The following TMEM230 variants were observed in gnomAD, a reference collection of about 807,000 sequenced individuals.
TMEM230 encodes transmembrane protein 230, also known as UPF0414 transmembrane protein C20orf30.
Under a neutral mutation model 15.8 loss-of-function variants are expected in TMEM230, and 10 were observed. The ratio of observed to expected loss-of-function variants is 0.63; its 90% CI spans 0.39 to 1.07. The LOEUF is 1.07. Among genes scored for constraint, TMEM230 ranks in the 50% least tolerant of loss-of-function variants. The probability of loss-of-function intolerance (pLI) is 0.01; values close to 1 mark genes in which losing one functional copy is unlikely to be tolerated. For missense variants in TMEM230, 165 were observed against 193.3 expected, an observed-to-expected ratio of 0.85 and a Z score of 0.87; for synonymous variants, 67 against 76.9, an observed-to-expected ratio of 0.87 and a Z score of 0.68.
chr20:5,072,070 A>C (rs2088845838), intron 3 of TMEM230, among the ~76,000 whole-genome samples: 1 of 147,374 alleles, frequency 6.8e-6, no homozygotes, highest in South Asian at 2.2e-4. Flanking sequence ...TTTTTGTTGA[A>C]GATAGGGTCT....
intron 3 of TMEM230, among the ~76,000 whole-genome samples, chr20:5,092,273 G>A (rs2089531096): frequency 6.6e-6 from 1 of 152,184 alleles, no homozygotes; most frequent in South Asian, 2.1e-4. Flanking sequence ...TCGATGTTCA[G>A]AATGAGGAGT....
chr20:5,086,578 T>A (rs960408872), intron 3 of TMEM230, among the ~76,000 whole-genome samples: 7 of 151,018 alleles, frequency 4.6e-5, no homozygotes, highest in African/African-American at 1.7e-4. Flanking sequence ...GAAAAAAAAG[T>A]ATCTGTATAT....
At chr20:5,105,217 C>T (rs540592388) in intron 4 of TMEM230, among the ~76,000 whole-genome samples, 159 of 152,208 alleles carry the variant, frequency 1.0e-3, no homozygotes, top group Non-Finnish European at 8.8e-4. Flanking sequence ...ACCCACGAGC[C>T]GGAGTTTGCA....
intron 3 of TMEM230, among the ~76,000 whole-genome samples, chr20:5,092,508 G>A (rs1243177652): frequency 6.6e-6 from 1 of 152,000 alleles, no homozygotes; most frequent in Non-Finnish European, 1.5e-5. Flanking sequence ...ACCTGAGGTC[G>A]GGAGTTCATG....
At chr20:5,077,660 T>A (rs1317710408) in intron 3 of TMEM230, among the ~76,000 whole-genome samples, 1 of 151,800 alleles carries the variant, frequency 6.6e-6, no homozygotes, top group Non-Finnish European at 1.5e-5. Context: ...ATGGTGAAAC[T>A]CCATCTCTAC....
At chr20:5,093,499 C>T (rs1216467290) in intron 3 of TMEM230, among the ~76,000 whole-genome samples, 1 of 151,684 alleles carries the variant, frequency 6.6e-6, no homozygotes, top group Non-Finnish European at 1.5e-5. Context: ...CCTCAGCCTC[C>T]CAACGTGCTG....
In TMEM230 at chr20:5,111,607, TAA is replaced by T. The variant is rs758119588; in HGVS notation, c.69-4_69-3del. The T allele has an allele frequency of 4.1e-3, 240 of 58,798 alleles. No individual in the cohort carries two copies. The highest frequency in any genetic ancestry group is 0.014 in the African/African-American group (216 of 15,308). The allele number at this position is 58,798 out of a possible 1,614,324, so 3.6% of individuals were successfully genotyped here. A position where few individuals can be genotyped will look rare whatever the true frequency, so the allele number is the denominator to read the frequency against. ...CTGGGCGACAGAACTAGACTCCATC[TAA>T]AAAAAAAAAAAAAAAAAAAAAAAAA... On this transcript the variant is annotated splice_region_variant and splice_polypyrimidine_tract_variant and intron_variant, in intron 1 of 4. Coordinates refer to ENST00000342308, the MANE Select transcript of TMEM230 (RefSeq NM_001009923.2).
chr20:5,074,820 A>T (rs1369682324), intron 3 of TMEM230, among the ~76,000 whole-genome samples: 2 of 151,926 alleles, frequency 1.3e-5, no homozygotes, highest in East Asian at 3.9e-4. Context: ...TTTTAAAAAA[A>T]ATTTTATTTT....
intron 4 of TMEM230, 58 bp from the exon 4 acceptor site, chr20:5,100,989 A>G: frequency 6.3e-7 from 1 of 1,599,084 alleles, no homozygotes; most frequent in Non-Finnish European, 8.5e-7. Flanking sequence ...TTTTAAAATA[A>G]AACGTCACAG....
At chr20:5,069,361 ACACCCCTTCTCAATTC>A (rs1353762074) in intron 3 of TMEM230, 36 of 1,525,128 alleles carry the variant, frequency 2.4e-5, no homozygotes, top group Non-Finnish European at 2.8e-5. Flanking sequence ...TGAGAAAGAA[ACACCCCTTCTCAATTC>A]CACCACAAGT....
chr20:5,089,191 G>A (rs1385407164), intron 3 of TMEM230, among the ~76,000 whole-genome samples: 2 of 151,830 alleles, frequency 1.3e-5, no homozygotes, highest in African/African-American at 2.4e-5. Flanking sequence ...TGGCTAACAC[G>A]GTGAAACCCT....
At chr20:5,070,651 C>G (rs751203265) in intron 3 of TMEM230, among the ~76,000 whole-genome samples, 6 of 152,180 alleles carry the variant, frequency 3.9e-5, no homozygotes, top group Non-Finnish European at 7.3e-5. Flanking sequence ...TCCACTAATT[C>G]AAGTGTAAGT....
Position 5,112,734 on chromosome 20 carries a change from T to C in TMEM230, c.68+227A>G, listed in dbSNP as rs949869021. On this transcript the variant is annotated intron_variant, in intron 1 of 4. Transcript: ENST00000342308. The stretch of plus-strand genomic sequence containing the variant: ...GCATTACGCGCCTCTACATACGTTA[T>C]TCTCCTACCCGTCTTCAGACCTTGC... 12 of 1,444,662 alleles carry C rather than the reference T, an allele frequency of 8.3e-6. 1 individual carries two copies. The African/African-American group carries it at 1.3e-4, about 15-fold the overall frequency. The allele number at this position is 1,444,662 out of a possible 1,614,324, so 89.5% of individuals were successfully genotyped here.
chr20:5,085,400 T>C (rs2089305492), intron 3 of TMEM230, among the ~76,000 whole-genome samples: 1 of 152,218 alleles, frequency 6.6e-6, no homozygotes, highest in Non-Finnish European at 1.5e-5. Flanking sequence ...ATAATTCTCA[T>C]GCCTCAGCCT....
At chr20:5,081,453 C>T (rs1230941008) in intron 3 of TMEM230, among the ~76,000 whole-genome samples, 1 of 152,174 alleles carries the variant, frequency 6.6e-6, no homozygotes, top group Non-Finnish European at 1.5e-5. Context: ...TTCTCACGCA[C>T]CCCGGCGGAG....
At chr20:5,098,887 G>A (rs1389406399), downstream of TMEM230, among the ~76,000 whole-genome samples, 1 of 152,090 alleles carries the variant, frequency 6.6e-6, no homozygotes, top group Admixed American at 6.5e-5. Flanking sequence ...AGCATTTCAG[G>A]AAGGGTATAT....
chr20:5,073,336 G>A (rs6053075), intron 3 of TMEM230, among the ~76,000 whole-genome samples: 6,532 of 152,292 alleles, frequency 0.043, 440 homozygotes, highest in African/African-American at 0.14. Flanking sequence ...GAGAGAATGT[G>A]GACACAGGGA....
In TMEM230 at chr20:5,100,035, C is replaced by T. The variant is rs192215097; in HGVS notation, c.*756G>A. On this transcript the variant is annotated 3_prime_UTR_variant, in exon 5 of 5. Transcript: ENST00000342308. ...GACATACTACAAGGTGCTAGCAATA[C>T]GGCTATAAACTCTAAATAATAACCA... is the stretch of plus-strand genomic sequence containing the variant. 27 of 985,170 alleles carry T rather than the reference C, an allele frequency of 2.7e-5. No individual in the cohort carries two copies. The South Asian group carries it at 2.8e-4, about 10-fold the overall frequency. 61.0% of individuals were successfully genotyped at this position (985,170 alleles called of 1,614,324 possible).
chr20:5,074,590 C>T (rs1600276118), intron 3 of TMEM230, among the ~76,000 whole-genome samples: 2 of 152,006 alleles, frequency 1.3e-5, no homozygotes, highest in Admixed American at 1.3e-4. Context: ...ATAAAACTTT[C>T]CTCCTGTCAA....
Sources: allele counts gnomAD v4.1 joint callset (sites outside exome capture counted in the v4.1 genomes callset), GRCh38; gene constraint gnomAD v4.1.1; transcripts MANE v1.5; gene names NCBI Gene and HGNC (gene_info 2026-07-23, HGNC 2026-07-21).